PARPBP: variants seen among roughly 807,000 people sequenced by gnomAD.
PARPBP encodes the protein PCNA-interacting partner.
PARPBP carries 52 observed loss-of-function variants against 50.0 expected under a neutral mutation model. The observed-to-expected ratio is 1.04, with a 90% CI of 0.83 to 1.31. The LOEUF (loss-of-function observed/expected upper bound fraction) is 1.31, where lower values mean the gene tolerates loss of function less well. Ranked by LOEUF, PARPBP falls within the 50% of genes most tolerant of loss-of-function variation. The pLI, the probability that PARPBP is intolerant of heterozygous loss-of-function variation, is 0.00. For synonymous variants in PARPBP, 244 were observed against 232.1 expected (o/e 1.05, Z -0.47); for missense variants, 697 against 672.0 (o/e 1.04, Z -0.41).
At chr12:102,134,680 C>T (rs1273450160) in intron 2 of PARPBP, among the ~76,000 whole-genome samples, 1 of 151,866 alleles carries the variant, frequency 6.6e-6, no homozygotes, top group Admixed American at 6.6e-5. Context: ...TTGTTTTTGT[C>T]TCTTGTTTTT....
intron 4 of PARPBP, among the ~76,000 whole-genome samples, chr12:102,160,902 C>T (rs987123821): frequency 2.0e-5 from 3 of 151,370 alleles, no homozygotes; most frequent in Admixed American, 1.3e-4. Context: ...GAGCCGAGAT[C>T]GTGTCATTGC....
At chr12:102,134,968 A>G (rs956565259) in intron 2 of PARPBP, among the ~76,000 whole-genome samples, 1 of 152,020 alleles carries the variant, frequency 6.6e-6, no homozygotes, top group Non-Finnish European at 1.5e-5. Flanking sequence ...ATGAACCACT[A>G]TGTCTGACCT....
intron 2 of PARPBP, among the ~76,000 whole-genome samples, chr12:102,137,821 A>C (rs569592078): frequency 6.6e-6 from 1 of 152,308 alleles, no homozygotes; most frequent in Non-Finnish European, 1.5e-5. Context: ...ATGTCCCTAC[A>C]AAGGACATGA....
intron 2 of PARPBP, among the ~76,000 whole-genome samples, chr12:102,126,647 C>T (rs879622969): frequency 3.3e-5 from 5 of 151,966 alleles, no homozygotes; most frequent in Admixed American, 6.6e-5. Flanking sequence ...ATTAGCTGGG[C>T]GTAGTGGTAG....
chr12:102,174,663 G>C (rs1412017083), intron 6 of PARPBP, among the ~76,000 whole-genome samples: 1 of 152,110 alleles, frequency 6.6e-6, no homozygotes, highest in Admixed American at 6.5e-5. Flanking sequence ...GGATCTCCTG[G>C]CTTTAAAAGA....
intron 2 of PARPBP, among the ~76,000 whole-genome samples, chr12:102,147,446 C>G (rs1343089320): frequency 6.6e-6 from 1 of 151,688 alleles, no homozygotes; most frequent in Non-Finnish European, 1.5e-5. Context: ...AATCATCATT[C>G]TCAGTAAACT....
intron 2 of PARPBP, among the ~76,000 whole-genome samples, chr12:102,140,079 T>C (rs1007150272): frequency 2.0e-5 from 3 of 152,206 alleles, no homozygotes; most frequent in African/African-American, 7.2e-5. Flanking sequence ...TCTTTGTACC[T>C]CTGGTAGAAT....
intron 9 of PARPBP, among the ~76,000 whole-genome samples, chr12:102,193,852 TGAG>T (rs1376702594): frequency 6.6e-6 from 1 of 152,082 alleles, no homozygotes; most frequent in Non-Finnish European, 1.5e-5. Context: ...TAGTGGGTTG[TGAG>T]TCCATTCTGT....
rs531676823 is a variant in PARPBP at position 102,189,844 on chromosome 12, A to G, written c.1264-5468A>G. ...TAAGGACGAGAGAGAAAGGCAGAAT[A>G]TTTAAGAACTCAAAAGTAAACGGTG... is the stretch of plus-strand genomic sequence containing the variant. On this transcript the variant is annotated intron_variant, in intron 9 of 10. Coordinates refer to ENST00000327680, the MANE Select transcript of PARPBP (RefSeq NM_017915.5). Among the ~76,000 whole-genome samples, 215 of 152,292 alleles carry G rather than the reference A, an allele frequency of 1.4e-3. 3 individuals are homozygous for G. The highest frequency in any genetic ancestry group is 1.3e-3 in the Non-Finnish European group (88 of 68,014).
Position 102,165,736 on chromosome 12 carries a change from C to T in PARPBP, c.674C>T (p.Thr225Met), listed in dbSNP as rs775852790. The T allele has an allele frequency of 3.2e-5, 51 of 1,602,614 alleles. No individual in the cohort carries two copies. The highest frequency in any genetic ancestry group is 4.1e-5 in the Non-Finnish European group (48 of 1,175,406). ...EKQMSIFLVA[T>M]SFIRTIELGG... is the part of the protein sequence containing the mutation. ...GTTTGTTTTAATTCATAGGTGGCCA[C>T]GTCTTTTATTAGAACAATAGAGCTT... The change falls in exon 6 of 11, where the codon ACG becomes ATG. Residue 225 changes from threonine (T) to methionine (M), a missense_variant. Thr to Met is a moderately conservative substitution (Grantham distance 81, BLOSUM62 -1). Transcript: ENST00000327680.
Position 102,168,651 on chromosome 12 carries a change from A to G in PARPBP, c.821+2768A>G, listed in dbSNP as rs548534944. On this transcript the variant is annotated intron_variant, in intron 6 of 10. Coordinates refer to ENST00000327680, the MANE Select transcript of PARPBP (RefSeq NM_017915.5). ...AAGGGCAATTGACCTGGTTTCTGGG[A>G]GCCAGGGATAAGGGTGTCAAGAATG... 7.2e-5 allele frequency among the ~76,000 whole-genome samples: 11 copies of G among 152,308 alleles called. No homozygotes were observed. In the South Asian group the frequency reaches 1.7e-3, roughly 23 times the overall value.
intron 4 of PARPBP, among the ~76,000 whole-genome samples, chr12:102,159,509 G>A (rs554517139): frequency 3.3e-5 from 5 of 152,316 alleles, no homozygotes; most frequent in Admixed American, 6.5e-5. Context: ...ACCATCAAAT[G>A]TGTTTACTAA....
chr12:102,189,674 G>A, intron 9 of PARPBP, among the ~76,000 whole-genome samples: 1 of 152,080 alleles, frequency 6.6e-6, no homozygotes, highest in East Asian at 1.9e-4. Flanking sequence ...GATGATGAAA[G>A]TATTAAATTG....
chr12:102,159,859 T>C (rs1887373691), intron 4 of PARPBP, among the ~76,000 whole-genome samples: 1 of 152,238 alleles, frequency 6.6e-6, no homozygotes, highest in Admixed American at 6.5e-5. Context: ...AGGTTGAATA[T>C]CTGCCTCTCA....
chr12:102,183,271 G>A (rs1245659029), intron 9 of PARPBP, among the ~76,000 whole-genome samples: 3 of 151,812 alleles, frequency 2.0e-5, no homozygotes, highest in African/African-American at 7.3e-5. Context: ...TGTATGGTTG[G>A]GAATTCATTA....
At chr12:102,168,074 T>G (rs1056221898) in intron 6 of PARPBP, among the ~76,000 whole-genome samples, 1 of 152,178 alleles carries the variant, frequency 6.6e-6, no homozygotes, top group Non-Finnish European at 1.5e-5. Context: ...CTGTTTTCAT[T>G]TTTTTGTACT....
chr12:102,148,221 C>A lies in PARPBP; in HGVS notation c.154-9C>A. 1.5e-4 allele frequency: 144 copies of A among 970,304 alleles called. No homozygotes were observed. The highest frequency in any genetic ancestry group is 1.9e-4 in the Non-Finnish European group (134 of 709,272). The allele number at this position is 970,304 out of a possible 1,614,324, so 60.1% of individuals were successfully genotyped here. A position where few individuals can be genotyped will look rare whatever the true frequency, so the allele number is the denominator to read the frequency against. ...TTATTTTTTTTTTTTTTGGCATTAT[C>A]TTTTTCAGCACAGTGGAGAATTTAC... On this transcript the variant is annotated splice_polypyrimidine_tract_variant and intron_variant, in intron 2 of 10. Coordinates refer to ENST00000327680, the MANE Select transcript of PARPBP (RefSeq NM_017915.5).
chr12:102,156,665 A>C (rs1886981022), intron 4 of PARPBP, among the ~76,000 whole-genome samples: 1 of 152,108 alleles, frequency 6.6e-6, no homozygotes, highest in Non-Finnish European at 1.5e-5. Flanking sequence ...TTTGAGGCAG[A>C]GGCTTACTGT....
intron 6 of PARPBP, among the ~76,000 whole-genome samples, chr12:102,172,138 G>A (rs1276116465): frequency 6.6e-6 from 1 of 152,164 alleles, no homozygotes; most frequent in Non-Finnish European, 1.5e-5. Flanking sequence ...CTTTTCATCA[G>A]CAGCCTCTTG....
Sources: allele counts gnomAD v4.1 joint callset (sites outside exome capture counted in the v4.1 genomes callset), GRCh38; gene constraint gnomAD v4.1.1; transcripts MANE v1.5; gene names NCBI Gene and HGNC (gene_info 2026-07-23, HGNC 2026-07-21).